GBP7: variants seen among roughly 807,000 people sequenced by gnomAD.
The protein encoded by GBP7 is guanylate binding protein 7.
In GBP7, 43 loss-of-function variants were observed where a neutral mutation model predicts 61.3. The observed-to-expected ratio is 0.70, with a 90% confidence interval of 0.55 to 0.91. GBP7 has a LOEUF of 0.91. Ranked by LOEUF, GBP7 falls within the 40% of genes least tolerant of loss-of-function variation. The pLI, the probability that GBP7 is intolerant of heterozygous loss-of-function variation, is 0.00. For synonymous variants in GBP7, 267 were observed against 271.0 expected (o/e 0.99, Z 0.14); for missense variants, 717 against 740.5 (o/e 0.97, Z 0.37).
chr1:89,150,476 T>C lies in GBP7; in HGVS notation c.725A>G (p.Asp242Gly). 1 of 1,614,084 alleles carries C rather than the reference T, an allele frequency of 6.2e-7. No homozygotes were observed. The highest frequency in any genetic ancestry group is 1.6e-4 in the Middle Eastern group (1 of 6,062). Residue 242 changes from aspartate (D) to glycine (G), a missense_variant, in exon 6 of 11, where the codon GAC becomes GGC. Asp to Gly is a moderately conservative substitution (Grantham distance 94, BLOSUM62 -1). Transcript: ENST00000294671. Reference protein sequence around the residue: ...KCFVFDRPINDKKLLLHVEEV... With the variant: ...KCFVFDRPINGKKLLLHVEEV... ...TTCAACATGGAGTAAGAGTTTTTTG[T>C]CATTTATTGGCCGGTCAAAGACAAA...
At chr1:89,134,896 A>C in intron 9 of GBP7, among the ~76,000 whole-genome samples, 1 of 152,214 alleles carries the variant, frequency 6.6e-6, no homozygotes, top group South Asian at 2.1e-4. Flanking sequence ...ATGGCAATGA[A>C]GATTATCGAT....
intron 3 of GBP7, among the ~76,000 whole-genome samples, chr1:89,159,799 G>A (rs560061403): frequency 7.9e-4 from 121 of 152,300 alleles, no homozygotes; most frequent in African/African-American, 2.4e-3. Flanking sequence ...GGAAGACGGC[G>A]TGGTGATTCC....
chr1:89,167,936 T>C (rs1647487819), intron 2 of GBP7, among the ~76,000 whole-genome samples: 1 of 152,364 alleles, frequency 6.6e-6, no homozygotes, highest in African/African-American at 2.4e-5. Context: ...CATGTCAGAA[T>C]AATCTTTCTC....
intron 3 of GBP7, among the ~76,000 whole-genome samples, chr1:89,161,157 C>CT (rs1647256372): frequency 1.3e-5 from 2 of 152,152 alleles, no homozygotes; most frequent in African/African-American, 4.8e-5. Context: ...ATATGTACCA[C>CT]ATTTTCTTTA....
chr1:89,159,435 G>T (rs551354099), intron 3 of GBP7, among the ~76,000 whole-genome samples: 11 of 152,058 alleles, frequency 7.2e-5, no homozygotes, highest in African/African-American at 2.7e-4. Flanking sequence ...ACCTACAGAA[G>T]GGGAGAAAAT....
chr1:89,173,439 T>C (rs1340623957), intron 1 of GBP7, among the ~76,000 whole-genome samples: 2 of 152,222 alleles, frequency 1.3e-5, no homozygotes, highest in Non-Finnish European at 2.9e-5. Flanking sequence ...CCAAGTAAGC[T>C]AGACTTTGGT....
At chr1:89,155,438 CAAA>C (rs1389574892) in intron 3 of GBP7, among the ~76,000 whole-genome samples, 3 of 152,122 alleles carry the variant, frequency 2.0e-5, no homozygotes, top group Non-Finnish European at 4.4e-5. Context: ...GAACCCATCA[CAAA>C]GAAGCTAAAA....
At chr1:89,170,899 A>G (rs1449565817) in intron 2 of GBP7, among the ~76,000 whole-genome samples, 1 of 152,216 alleles carries the variant, frequency 6.6e-6, no homozygotes, top group Admixed American at 6.5e-5. Context: ...TCAGGGTTCT[A>G]TGCATAAAAC....
intron 2 of GBP7, among the ~76,000 whole-genome samples, chr1:89,168,367 T>C (rs1432916362): frequency 1.3e-5 from 2 of 152,108 alleles, no homozygotes; most frequent in Non-Finnish European, 2.9e-5. Context: ...TCTCTGTGAG[T>C]AGAAAATGTC....
intron 1 of GBP7, among the ~76,000 whole-genome samples, chr1:89,174,339 G>T (rs1647683286): frequency 6.6e-6 from 1 of 152,094 alleles, no homozygotes; most frequent in African/African-American, 2.4e-5. Context: ...TTCCTCTCCA[G>T]AAAGTTGTAC....
intron 9 of GBP7, among the ~76,000 whole-genome samples, chr1:89,137,105 G>C (rs1312449234): frequency 2.0e-5 from 3 of 152,060 alleles, no homozygotes; most frequent in African/African-American, 4.8e-5. Flanking sequence ...AGTGAACCAG[G>C]AAGAAATTGA....
intron 2 of GBP7, among the ~76,000 whole-genome samples, chr1:89,167,173 C>T (rs1304328616): frequency 6.6e-6 from 1 of 152,010 alleles, no homozygotes; most frequent in Non-Finnish European, 1.5e-5. Flanking sequence ...GAATGATCAT[C>T]AGCCCCTGAA....
chr1:89,145,258 G>A (rs1022469301), intron 8 of GBP7, among the ~76,000 whole-genome samples: 26 of 151,992 alleles, frequency 1.7e-4, no homozygotes, highest in Admixed American at 7.9e-4. Context: ...GCTGACTTTC[G>A]CTCTTTTTAA....
At chr1:89,149,681 A>G in intron 6 of GBP7, 109 bp from the exon 7 acceptor site, 4 of 890,400 alleles carry the variant, frequency 4.5e-6, no homozygotes, top group Non-Finnish European at 6.7e-6. Flanking sequence ...TTTAACATGA[A>G]TTTTCCCTCC....
At chr1:89,140,460 G>GAAAAAAAAAAAAA (rs56788095) in intron 9 of GBP7, among the ~76,000 whole-genome samples, 1 of 143,854 alleles carries the variant, frequency 7.0e-6, no homozygotes, top group Non-Finnish European at 1.5e-5. Flanking sequence ...AAAAAAAACT[G>GAAAAAAAAAAAAA]AAAAAAAAAA....
At chr1:89,170,026 AG>A (rs1207264835) in intron 2 of GBP7, among the ~76,000 whole-genome samples, 5 of 152,220 alleles carry the variant, frequency 3.3e-5, no homozygotes, top group African/African-American at 1.2e-4. Flanking sequence ...TCTTCCATGT[AG>A]TGAATCACTT....
rs576110880 is a variant in GBP7, at chr1:89,169,268, T to C, written c.190+2478A>G. ...TGTATGTATTTATGTTTGCATGTTT[T>C]GTGTATGTAATAATTTTCCCAAGAT... On this transcript the variant is annotated intron_variant, in intron 2 of 10. Transcript: ENST00000294671. Among the ~76,000 whole-genome samples, 5 of 152,334 alleles carry C rather than the reference T, an allele frequency of 3.3e-5. No individual in the cohort carries two copies. The South Asian group carries it at 1.0e-3, about 32-fold the overall frequency.
rs960333617 is a variant in GBP7, at chr1:89,147,723, G to A, written c.1209C>T (p.Ala403=). Reference sequence around the variant, plus strand: ...GCTTAAGCTCAGCCTGACAATATTTGGCAGATGCCTCTTCATTCTGCAGCA... The same window carrying A: ...GCTTAAGCTCAGCCTGACAATATTTAGCAGATGCCTCTTCATTCTGCAGCA... ...DFVLQNEEAS[A]KYCQAELKRL... is the part of the protein sequence containing the mutation. The change falls in exon 8 of 11, where the codon GCC becomes GCT. Residue 403 remains alanine (A), a synonymous_variant. Transcript: ENST00000294671. 1.9e-6 allele frequency: 3 copies of A among 1,614,008 alleles called. No homozygotes were observed. The Admixed American group carries it at 5.0e-5, about 27-fold the overall frequency.
chr1:89,134,404 T>C (rs1681748381), intron 9 of GBP7, among the ~76,000 whole-genome samples: 2 of 152,190 alleles, frequency 1.3e-5, no homozygotes, highest in African/African-American at 2.4e-5. Context: ...CTGCCACTGC[T>C]CTGAGAAAGT....
Sources: allele counts gnomAD v4.1 joint callset (sites outside exome capture counted in the v4.1 genomes callset), GRCh38; gene constraint gnomAD v4.1.1; transcripts MANE v1.5; gene names NCBI Gene and HGNC (gene_info 2026-07-23, HGNC 2026-07-21).